B4GALNT3: variants seen among roughly 807,000 people sequenced by gnomAD.
The protein encoded by B4GALNT3 is beta-1,4-N-acetyl-galactosaminyltransferase 3.
A neutral mutation model predicts 120.2 loss-of-function variants in B4GALNT3; 86 were observed. The ratio of observed to expected loss-of-function variants is 0.72; its 90% CI spans 0.60 to 0.86. B4GALNT3 has a LOEUF of 0.86. Ranked by LOEUF, B4GALNT3 falls within the 40% of genes least tolerant of loss-of-function variation. B4GALNT3 has a pLI of 0.00. For missense variants in B4GALNT3, 1,167 were observed against 1,298.9 expected (o/e 0.90, Z 1.56); for synonymous variants, 518 against 510.4 (o/e 1.01, Z -0.20).
chr12:555,586 T>C (rs1415484396), intron 14 of B4GALNT3, among the ~76,000 whole-genome samples: 1 of 152,218 alleles, frequency 6.6e-6, no homozygotes, highest in Non-Finnish European at 1.5e-5. Flanking sequence ...CTTTCAGTTG[T>C]CTTGGGTATA....
chr12:460,466 C>T lies in B4GALNT3; in HGVS notation c.90C>T (p.Ala30=), dbSNP rs370603270. The part of the protein sequence containing the change: ...RRRFRLLLAL[A]VVSVGLWTLY... ...GCTTCCGGCTGCTGCTGGCGCTCGC[C>T]GTGGTGTCTGTGGGGCTCTGGACTC... Residue 30 remains alanine (A), a synonymous_variant, in exon 1 of 20, where the codon GCC becomes GCT. Coordinates refer to ENST00000266383, the MANE Select transcript of B4GALNT3 (RefSeq NM_173593.4). This position sits in a 1 kb window ranked among gnomAD's most constrained non-coding sequence, Gnocchi z 8.0. 1.3e-6 allele frequency: 2 copies of T among 1,585,518 alleles called. No individual in the cohort carries two copies. The highest frequency in any genetic ancestry group is 1.7e-6 in the Non-Finnish European group (2 of 1,167,676).
chr12:487,853 A>C (rs766431997), intron 1 of B4GALNT3, among the ~76,000 whole-genome samples: 1 of 152,168 alleles, frequency 6.6e-6, no homozygotes, highest in Non-Finnish European at 1.5e-5. Flanking sequence ...TGGGAGGCTG[A>C]GGTGGGAGGA....
chr12:507,458 A>G (rs4980928), intron 1 of B4GALNT3, among the ~76,000 whole-genome samples: 123,657 of 152,118 alleles, frequency 0.81, 50,353 homozygotes, highest in South Asian at 0.85. Context: ...AGACGCTTCC[A>G]CTGTCTTGGA....
At chr12:526,542 G>A (rs916972008) in intron 1 of B4GALNT3, among the ~76,000 whole-genome samples, 4 of 152,196 alleles carry the variant, frequency 2.6e-5, no homozygotes, top group Admixed American at 6.5e-5. Flanking sequence ...AGCCTATTAC[G>A]TCTAGATTTT....
intron 1 of B4GALNT3, among the ~76,000 whole-genome samples, chr12:513,705 C>A (rs1288732397): frequency 6.6e-6 from 1 of 152,204 alleles, no homozygotes; most frequent in African/African-American, 2.4e-5. Flanking sequence ...TTTAGCCAGC[C>A]TCTATTCAAG....
At chr12:556,998 G>T (rs1056976327) in intron 15 of B4GALNT3, 132 bp downstream of exon 15, 1 of 987,632 alleles carries the variant, frequency 1.0e-6, no homozygotes, top group African/African-American at 1.6e-5. Context: ...TGAGGAAACT[G>T]AGGCTCACAA....
intron 3 of B4GALNT3, among the ~76,000 whole-genome samples, chr12:542,620 C>T (rs936489966): frequency 6.6e-6 from 1 of 152,082 alleles, no homozygotes; most frequent in East Asian, 1.9e-4. Context: ...CCCACACTTC[C>T]CCTCTCCTCT....
intron 17 of B4GALNT3, 50 bp from the exon 18 acceptor site, chr12:558,458 C>G: frequency 1.3e-6 from 2 of 1,576,696 alleles, no homozygotes; most frequent in Non-Finnish European, 1.7e-6. Flanking sequence ...GACCTGACCT[C>G]CTAGCTCTGG....
chr12:559,554 G>T, intron 19 of B4GALNT3, 133 bp downstream of exon 19: 7 of 1,304,334 alleles, frequency 5.4e-6, no homozygotes, highest in Non-Finnish European at 7.3e-6. Context: ...CACTGGACTC[G>T]GAGGACGCCC....
intron 1 of B4GALNT3, among the ~76,000 whole-genome samples, chr12:481,721 G>T (rs571913322): frequency 2.0e-4 from 30 of 152,264 alleles, no homozygotes; most frequent in Non-Finnish European, 3.8e-4. Flanking sequence ...CTGGATGGCT[G>T]GGGGGAGTCT....
At chr12:543,302 C>T in intron 3 of B4GALNT3, 1 of 1,020,078 alleles carries the variant, frequency 9.8e-7, no homozygotes, top group Non-Finnish European at 1.3e-6. Context: ...TGCCCAGCCT[C>T]CCGGAGCTGA....
intron 1 of B4GALNT3, among the ~76,000 whole-genome samples, chr12:533,852 C>T (rs1290980517): frequency 2.0e-5 from 3 of 152,214 alleles, no homozygotes; most frequent in Admixed American, 2.0e-4. Flanking sequence ...TGATCCCACC[C>T]CTCCCCAGGC....
Position 550,860 on chromosome 12 carries a change from G to A in B4GALNT3, c.998-62G>A, listed in dbSNP as rs1344241540. 90 of 1,330,936 alleles carry A rather than the reference G, an allele frequency of 6.8e-5. No homozygotes were observed. The highest frequency in any genetic ancestry group is 6.7e-5 in the Non-Finnish European group (62 of 931,240). The allele number at this position is 1,330,936 out of a possible 1,614,324, so 82.4% of individuals were successfully genotyped here. On this transcript the variant is annotated intron_variant, in intron 10 of 19. Coordinates refer to ENST00000266383, the MANE Select transcript of B4GALNT3 (RefSeq NM_173593.4). The surrounding 1 kb of genome is among the most constrained non-coding windows in gnomAD (Gnocchi z 4.1). ...CAGAAAGGGCCCTGCTCAGGGCAGA[G>A]GACTTCAGCCCCAGTTTCGTGCTCA...
chr12:512,181 C>T (rs554856780), intron 1 of B4GALNT3, among the ~76,000 whole-genome samples: 1 of 107,858 alleles, frequency 9.3e-6, no homozygotes, highest in Non-Finnish European at 1.9e-5. Context: ...CGCCTTCCGC[C>T]TTCCACCTTC....
At chr12:532,728 G>A (rs187891171) in intron 1 of B4GALNT3, among the ~76,000 whole-genome samples, 1 of 152,286 alleles carries the variant, frequency 6.6e-6, no homozygotes, top group African/African-American at 2.4e-5. Context: ...CAGGGCCCAA[G>A]GATGAGGTCT....
intron 1 of B4GALNT3, among the ~76,000 whole-genome samples, chr12:468,422 A>G (rs540344569): frequency 2.6e-5 from 4 of 152,366 alleles, no homozygotes; most frequent in African/African-American, 9.6e-5. Context: ...ACGTCTTTCC[A>G]TATAAGAAGA....
chr12:535,139 G>T, intron 1 of B4GALNT3, 27 bp from the exon 2 acceptor site: 1 of 1,593,678 alleles, frequency 6.3e-7, no homozygotes, highest in Non-Finnish European at 8.6e-7. Flanking sequence ...ACGCTGACCT[G>T]AGGGCTCCTC....
At position 561,612 on chromosome 12, in the gene B4GALNT3, C is replaced by T. The variant is rs975654624; in HGVS notation, c.*161C>T. On this transcript the variant is annotated 3_prime_UTR_variant, in exon 20 of 20. Transcript: ENST00000266383. ...ACCTGGAGCTGTCCCCTCACAGAGGCAGGTTCCGGGGCTCCTGTCTCTGCC... is the reference window on the plus strand; with the variant it reads ...ACCTGGAGCTGTCCCCTCACAGAGGTAGGTTCCGGGGCTCCTGTCTCTGCC... 3.3e-6 allele frequency: 2 copies of T among 608,668 alleles called. No individual in the cohort carries two copies. Among genetic ancestry groups the T allele is most frequent in the East Asian group, 5.6e-5 (2 of 35,752 alleles). 37.7% of individuals were successfully genotyped at this position (608,668 alleles called of 1,614,324 possible).
At chr12:494,184 G>A (rs1316694014) in intron 1 of B4GALNT3, among the ~76,000 whole-genome samples, 1 of 151,894 alleles carries the variant, frequency 6.6e-6, no homozygotes, top group African/African-American at 2.4e-5. Context: ...GTGGGGAGGT[G>A]GGAGGATTGC....
Sources: gnomAD v4.1 joint callset for allele counts (sites outside exome capture counted in the v4.1 genomes callset) on GRCh38, gnomAD v4.1.1 for gene constraint, Gnocchi (gnomAD v3.1) non-coding constraint, MANE v1.5 for transcripts, NCBI Gene and HGNC (gene_info 2026-07-23, HGNC 2026-07-21) for gene names.